Variants in BCORL1 observed in about 807,000 individuals in gnomAD.
BCORL1 encodes the protein BCL6 corepressor like 1, also known as BCL-6 corepressor-like protein 1.
Under a neutral mutation model 87.6 loss-of-function variants are expected in BCORL1, and 7 were observed. The ratio of observed to expected loss-of-function variants is 0.08; its 90% CI spans 0.05 to 0.15. The LOEUF (loss-of-function observed/expected upper bound fraction) is 0.15, where lower values mean the gene tolerates loss of function less well. BCORL1 is among the 10% of genes least tolerant of loss of function. The pLI is 1.00. For synonymous variants in BCORL1, 591 were observed against 634.4 expected, an observed-to-expected ratio of 0.93 and a Z score of 1.03; for missense variants, 1,215 against 1,499.7, an observed-to-expected ratio of 0.81 and a Z score of 3.13.
At chrX:130,028,381 C>T (rs1299344951) in intron 7 of BCORL1, among the ~76,000 whole-genome samples, 3 of 110,583 alleles carry the variant, frequency 2.7e-5, no homozygotes, top group East Asian at 2.8e-4. Context: ...CCAGATGGGC[C>T]GCCCCCTGCT....
rs751980787 is a variant in BCORL1, at chrX:130,015,277, G to A, written c.2505G>A (p.Pro835=). ...AGGTCCTGCCTGTTGGCTGGTCCCC[G>A]TACCACCAGGCGTCTCTGCTTTCCA... ...STQVLPVGWS[P]YHQASLLSIG... is the part of the protein sequence containing the mutation. The change falls in exon 4 of 14, where the codon CCG becomes CCA. Residue 835 remains proline, a synonymous_variant. Transcript: ENST00000540052. 2.5e-6 allele frequency: 3 copies of A among 1,211,759 alleles called. No individual in the cohort carries two copies. The highest frequency in any genetic ancestry group is 3.3e-6 in the Non-Finnish European group (3 of 895,558).
At chrX:130,048,808 G>A (rs1931903710) in intron 11 of BCORL1, among the ~76,000 whole-genome samples, 1 of 111,794 alleles carries the variant, frequency 8.9e-6, no homozygotes, top group South Asian at 3.7e-4. Flanking sequence ...TCCCCATTAA[G>A]CATACCCTCC....
At chrX:130,019,369 C>A (rs1390695213) in intron 4 of BCORL1, among the ~76,000 whole-genome samples, 1 of 112,567 alleles carries the variant, frequency 8.9e-6, no homozygotes, top group Admixed American at 9.4e-5. Context: ...AGGACATGTT[C>A]AAATGTATGT....
chrX:129,980,487 C>T (rs1926024138), upstream of BCORL1, among the ~76,000 whole-genome samples: 1 of 111,863 alleles, frequency 8.9e-6, no homozygotes, highest in African/African-American at 3.2e-5. Context: ...GCGGCCCCCA[C>T]CCCGCGTGGG....
chrX:130,005,604 C>T (rs1228413571), intron 2 of BCORL1, among the ~76,000 whole-genome samples: 2 of 108,734 alleles, frequency 1.8e-5, no homozygotes, highest in African/African-American at 3.5e-5. Context: ...AGGGGAAGCT[C>T]AGGCAATGGC....
chrX:129,985,968 C>T (rs1038038948), intron 1 of BCORL1, among the ~76,000 whole-genome samples: 1 of 110,813 alleles, frequency 9.0e-6, no homozygotes, highest in Non-Finnish European at 1.9e-5. Flanking sequence ...TCCTGCCTTA[C>T]CCTCCAGAGT....
At chrX:130,049,388 G>A (rs906403326) in intron 11 of BCORL1, among the ~76,000 whole-genome samples, 7 of 111,804 alleles carry the variant, frequency 6.3e-5, no homozygotes, top group Admixed American at 5.7e-4. Flanking sequence ...ACAGAGTCTT[G>A]CTCTGTCACC....
intron 1 of BCORL1, among the ~76,000 whole-genome samples, chrX:130,004,604 G>A (rs1928342699): frequency 1.8e-5 from 2 of 111,885 alleles, no homozygotes; most frequent in Non-Finnish European, 1.9e-5. Flanking sequence ...GGTGGTCAGC[G>A]TGCAAGGAGT....
At chrX:130,037,316 G>C (rs761232923) in intron 9 of BCORL1, 51 bp from the exon 10 acceptor site, 2 of 1,164,768 alleles carry the variant, frequency 1.7e-6, no homozygotes, top group Non-Finnish European at 2.3e-6. Flanking sequence ...GGTTATATAA[G>C]TTCAAGAATT....
chrX:129,994,315 A>G (rs929633978), intron 1 of BCORL1, among the ~76,000 whole-genome samples: 14 of 112,093 alleles, frequency 1.2e-4, no homozygotes, highest in Non-Finnish European at 2.6e-4. Context: ...GGTTCTGTTT[A>G]ATATTGCTGC....
intron 1 of BCORL1, among the ~76,000 whole-genome samples, chrX:130,004,595 G>T (rs1299000717): frequency 8.9e-6 from 1 of 111,969 alleles, no homozygotes; most frequent in Non-Finnish European, 1.9e-5. Context: ...TTGCTTGTTG[G>T]TGGTCAGCGT....
At chrX:130,045,909 C>T (rs191798131) in intron 11 of BCORL1, among the ~76,000 whole-genome samples, 230 of 111,054 alleles carry the variant, frequency 2.1e-3, no homozygotes, top group Non-Finnish European at 3.4e-3. Context: ...TGAGCCATTG[C>T]ACTGAGCTTC....
At chrX:130,008,104 A>G (rs1266060734) in intron 2 of BCORL1, among the ~76,000 whole-genome samples, 3 of 109,613 alleles carry the variant, frequency 2.7e-5, no homozygotes, top group Non-Finnish European at 5.7e-5. Context: ...TTGTATTTTT[A>G]GTAGAGACAG....
intron 2 of BCORL1, among the ~76,000 whole-genome samples, chrX:130,012,166 G>GA (rs1437643568): frequency 8.9e-6 from 1 of 112,083 alleles, no homozygotes; most frequent in Non-Finnish European, 1.9e-5. Context: ...GTATTTAAAA[G>GA]AAAAATGGGT....
At chrX:130,050,373 G>C (rs1046343133) in intron 11 of BCORL1, among the ~76,000 whole-genome samples, 1 of 110,793 alleles carries the variant, frequency 9.0e-6, no homozygotes, top group African/African-American at 3.3e-5. Context: ...AGGAGTTCAA[G>C]GTGCCGTGAG....
At position 130,014,391 on chromosome X, in the gene BCORL1, C is replaced by T. The variant is rs763235942; in HGVS notation, c.1619C>T (p.Ala540Val). The change falls in exon 4 of 14, where the codon GCA becomes GTA. Residue 540 changes from alanine to valine, a missense_variant. Around this residue, in one of 5 missense-constraint regions of BCORL1, gnomAD observed 861 missense variants for 1,010.0 expected, o/e 0.85. Coordinates refer to ENST00000540052, the MANE Select transcript of BCORL1 (RefSeq NM_001379451.1). ...SPSGSTTTQPAPDGVPGPLAD... is the reference protein window; with the variant it reads ...SPSGSTTTQPVPDGVPGPLAD... ...TCCGGTAGCACCACCACCCAGCCTG[C>T]ACCCGATGGGGTCCCTGGGCCTTTG... 4.1e-6 allele frequency: 5 copies of T among 1,211,748 alleles called. No individual in the cohort carries two copies. In the South Asian group the frequency reaches 8.8e-5, roughly 21 times the overall value.
chrX:130,022,810 C>A, intron 5 of BCORL1, 87 bp from the exon 6 acceptor site: 1 of 804,143 alleles, frequency 1.2e-6, no homozygotes, highest in Non-Finnish European at 1.9e-6. Context: ...TCAATCTTTC[C>A]CCCGAGCCTC....
intron 1 of BCORL1, among the ~76,000 whole-genome samples, chrX:129,992,376 C>T (rs765053695): frequency 2.7e-5 from 3 of 111,563 alleles, no homozygotes; most frequent in East Asian, 2.8e-4. Context: ...CACTTGAGCC[C>T]GGGAGTGCCG....
chrX:130,025,295 C>T lies in BCORL1; in HGVS notation c.3994C>T (p.Arg1332Ter), dbSNP rs748288533. The T allele has an allele frequency of 8.3e-7, 1 of 1,202,261 alleles. No homozygotes were observed. Among genetic ancestry groups the T allele is most frequent in the African/African-American group, 1.8e-5 (1 of 56,857 alleles). The change falls in exon 7 of 14, where the codon CGA (arginine) becomes TGA (stop). Residue 1332 changes from arginine to a stop codon, truncating the protein, a stop_gained. Transcript: ENST00000540052. LOFTEE classifies it high-confidence loss of function. ...EEEGLLKRKK[R>*]RRQKSRKYQT... Reference sequence around the variant, plus strand: ...GGAGGGCCTGCTGAAGAGGAAGAAACGAAGACGGCAGAAGAGCCGAAAATA... The same window carrying T: ...GGAGGGCCTGCTGAAGAGGAAGAAATGAAGACGGCAGAAGAGCCGAAAATA...
Sources: gnomAD v4.1 joint callset for allele counts (sites outside exome capture counted in the v4.1 genomes callset) on GRCh38, gnomAD v4.1.1 for gene constraint, gnomAD v4.1.1 regional missense constraint, MANE v1.5 for transcripts, NCBI Gene and HGNC (gene_info 2026-07-23, HGNC 2026-07-21) for gene names.